Variants in TTLL11 observed in about 807,000 individuals in gnomAD.
TTLL11 encodes tubulin tyrosine ligase like 11.
In TTLL11, 42 loss-of-function variants were observed where a neutral mutation model predicts 51.7. The ratio of observed to expected loss-of-function variants is 0.81; its 90% CI spans 0.64 to 1.05. The LOEUF is 1.05. Among genes scored for constraint, TTLL11 ranks in the 50% least tolerant of loss-of-function variants. The pLI, the probability that TTLL11 is intolerant of heterozygous loss-of-function variation, is 0.00. For synonymous variants in TTLL11, 381 were observed against 383.5 expected, an observed-to-expected ratio of 0.99 and a Z score of 0.08; for missense variants, 799 against 940.4, an observed-to-expected ratio of 0.85 and a Z score of 1.97.
chr9:122,091,074 T>G (rs998936837), intron 1 of TTLL11, among the ~76,000 whole-genome samples: 2 of 152,146 alleles, frequency 1.3e-5, no homozygotes, highest in African/African-American at 4.8e-5. Flanking sequence ...AAGTGGACAT[T>G]TACGGAATGA....
At chr9:121,838,781 A>AAAGCAAGC (rs55715366) in intron 8 of TTLL11, among the ~76,000 whole-genome samples, 6,863 of 139,942 alleles carry the variant, frequency 0.049, 201 homozygotes, top group Middle Eastern at 0.087. Context: ...AGCAAGCAAG[A>AAAGCAAGC]AAGCAAGCAA....
intron 1 of TTLL11, among the ~76,000 whole-genome samples, chr9:122,080,463 C>T (rs887058411): frequency 6.6e-6 from 1 of 151,968 alleles, no homozygotes; most frequent in Non-Finnish European, 1.5e-5. Flanking sequence ...GCCAGAGGAT[C>T]GTTGAGGCCA....
intron 3 of TTLL11, among the ~76,000 whole-genome samples, chr9:121,991,881 G>T (rs922703823): frequency 6.6e-6 from 1 of 152,188 alleles, no homozygotes; most frequent in Non-Finnish European, 1.5e-5. Context: ...GAGAGGTGAC[G>T]TGACTTCCCT....
At chr9:121,926,498 C>T (rs542078175) in intron 6 of TTLL11, among the ~76,000 whole-genome samples, 1 of 152,324 alleles carries the variant, frequency 6.6e-6, no homozygotes, top group Non-Finnish European at 1.5e-5. Flanking sequence ...TGGCTGGGTG[C>T]CAGGCGCTGG....
intron 8 of TTLL11, among the ~76,000 whole-genome samples, chr9:121,848,038 A>G (rs1837567633): frequency 6.6e-6 from 1 of 152,070 alleles, no homozygotes; most frequent in Non-Finnish European, 1.5e-5. Flanking sequence ...CAGTCTCTAC[A>G]AAAAATTTTT....
In TTLL11 at chr9:121,822,444, G is replaced by T; in HGVS notation, c.*143C>A. Reference sequence around the variant, plus strand: ...AGCCAGCCTGGTGAAGCACAGCTCAGCCGCACACAGAGACAGTTCGTGGGG... The same window carrying T: ...AGCCAGCCTGGTGAAGCACAGCTCATCCGCACACAGAGACAGTTCGTGGGG... On this transcript the variant is annotated 3_prime_UTR_variant, in exon 9 of 9. Coordinates refer to ENST00000321582, the MANE Select transcript of TTLL11 (RefSeq NM_001139442.2). This position sits in a 1 kb window ranked among gnomAD's most constrained non-coding sequence, Gnocchi z 5.8. 1.3e-6 allele frequency: 1 copy of T among 758,712 alleles called. No individual in the cohort carries two copies. Among genetic ancestry groups the T allele is most frequent in the Non-Finnish European group, 2.0e-6 (1 of 505,130 alleles). The allele number at this position is 758,712 out of a possible 1,614,324, so 47.0% of individuals were successfully genotyped here.
intron 6 of TTLL11, among the ~76,000 whole-genome samples, chr9:121,897,524 C>A (rs768883674): frequency 2.6e-5 from 4 of 152,028 alleles, no homozygotes; most frequent in Non-Finnish European, 5.9e-5. Flanking sequence ...CCCTTCTCAC[C>A]AGGATTCCAG....
chr9:122,043,274 T>C (rs1039637958), intron 1 of TTLL11, among the ~76,000 whole-genome samples: 1 of 152,006 alleles, frequency 6.6e-6, no homozygotes, highest in Admixed American at 6.6e-5. Context: ...AAAATCAGTG[T>C]GGTACTGGCA....
intron 1 of TTLL11, among the ~76,000 whole-genome samples, chr9:122,061,930 C>T (rs114355914): frequency 0.041 from 6,198 of 152,224 alleles, 407 homozygotes; most frequent in African/African-American, 0.14. Flanking sequence ...GCCACTGCAC[C>T]CAGCCGAATT....
intron 3 of TTLL11, among the ~76,000 whole-genome samples, chr9:121,996,944 C>A (rs1158819347): frequency 6.6e-6 from 1 of 152,212 alleles, no homozygotes. Flanking sequence ...AGTAAAGCGT[C>A]AGTTCTGGGC....
intron 6 of TTLL11, among the ~76,000 whole-genome samples, chr9:121,886,936 AG>A (rs1446965968): frequency 4.6e-5 from 7 of 152,220 alleles, no homozygotes; most frequent in African/African-American, 1.7e-4. Context: ...GAGGAGCCAC[AG>A]GGAGTATCTC....
intron 6 of TTLL11, among the ~76,000 whole-genome samples, chr9:121,917,584 AAAG>A (rs778080162): frequency 1.4e-5 from 2 of 147,524 alleles, no homozygotes; most frequent in Non-Finnish European, 3.0e-5. Context: ...AAAGGAAGGA[AAAG>A]AAGAGAGGGA....
intron 1 of TTLL11, among the ~76,000 whole-genome samples, chr9:122,044,100 C>T (rs1208117805): frequency 2.0e-5 from 3 of 152,214 alleles, no homozygotes; most frequent in East Asian, 1.9e-4. Flanking sequence ...CGAGTGAGAA[C>T]GTGCAGTGTT....
chr9:121,929,439 C>T (rs1163560817), intron 6 of TTLL11, among the ~76,000 whole-genome samples: 1 of 137,498 alleles, frequency 7.3e-6, no homozygotes, highest in Non-Finnish European at 1.6e-5. Context: ...GACCCCGTCT[C>T]AAAAAAAAAA....
chr9:122,036,681 T>G (rs1844713311), intron 2 of TTLL11, among the ~76,000 whole-genome samples: 1 of 152,144 alleles, frequency 6.6e-6, no homozygotes, highest in African/African-American at 2.4e-5. Context: ...GCGTTTACAC[T>G]TGCCTGGGAT....
At chr9:121,980,136 G>A (rs572356928) in intron 4 of TTLL11, among the ~76,000 whole-genome samples, 1 of 152,158 alleles carries the variant, frequency 6.6e-6, no homozygotes, top group East Asian at 1.9e-4. Context: ...TGATACAGTG[G>A]GTGGAGGAGA....
chr9:122,090,333 A>C (rs4837939), intron 1 of TTLL11, among the ~76,000 whole-genome samples: 65,449 of 151,958 alleles, frequency 0.43, 16,068 homozygotes, highest in African/African-American at 0.67. Flanking sequence ...CTTCCTCCCC[A>C]AAACAGGTCC....
intron 6 of TTLL11, among the ~76,000 whole-genome samples, chr9:121,907,892 A>G (rs1839996237): frequency 6.6e-6 from 1 of 152,234 alleles, no homozygotes; most frequent in Admixed American, 6.5e-5. Flanking sequence ...AAAGTGTTGC[A>G]TGCTAAAAAG....
At chr9:122,042,727 G>A (rs1844880442) in intron 1 of TTLL11, among the ~76,000 whole-genome samples, 1 of 152,152 alleles carries the variant, frequency 6.6e-6, no homozygotes, top group African/African-American at 2.4e-5. Context: ...ATAAACTACA[G>A]TATATCCAAA....
Sources: allele counts gnomAD v4.1 joint callset (sites outside exome capture counted in the v4.1 genomes callset), GRCh38; gene constraint gnomAD v4.1.1; non-coding constraint Gnocchi (gnomAD v3.1); transcripts MANE v1.5; gene names NCBI Gene and HGNC (gene_info 2026-07-23, HGNC 2026-07-21).